Variants in ITPR2 observed in about 807,000 individuals in gnomAD.
ITPR2 encodes the protein inositol 1,4,5-trisphosphate-gated calcium channel ITPR2.
A neutral mutation model predicts 317.1 loss-of-function variants in ITPR2; 207 were observed. The ratio of observed to expected loss-of-function variants is 0.65; its 90% confidence interval spans 0.58 to 0.73. The LOEUF (loss-of-function observed/expected upper bound fraction) is 0.73, where lower values mean the gene tolerates loss of function less well. Ranked by LOEUF, ITPR2 falls within the 30% of genes least tolerant of loss-of-function variation. ITPR2 has a pLI of 0.00. For synonymous variants in ITPR2, 1,156 were observed against 1,149.1 expected, an observed-to-expected ratio of 1.01 and a Z score of -0.12; for missense variants, 2,613 against 3,284.0, an observed-to-expected ratio of 0.80 and a Z score of 4.99.
At chr12:26,703,013 C>T (rs115343332) in intron 9 of ITPR2, among the ~76,000 whole-genome samples, 27 of 152,256 alleles carry the variant, frequency 1.8e-4, no homozygotes, top group African/African-American at 6.0e-4. Context: ...GATAGTGCCC[C>T]CTTCACTTCC....
Position 26,580,008 on chromosome 12 carries a change from T to TTGCAA in ITPR2, c.4509+14_4509+18dup. 6.2e-7 allele frequency: 1 copy of TTGCAA among 1,602,410 alleles called. No homozygotes were observed. Among genetic ancestry groups the TTGCAA allele is most frequent in the Middle Eastern group, 1.7e-4 (1 of 5,936 alleles). ...GAGAAACTCTTTGCAACAGAATGCT[T>TTGCAA]TGCAATTGTTTAACTTACCTGGAGG... On this transcript the variant is annotated intron_variant, in intron 33 of 56. Coordinates refer to ENST00000381340, the MANE Select transcript of ITPR2 (RefSeq NM_002223.4).
At chr12:26,794,034 TC>T (rs1243065474) in intron 1 of ITPR2, among the ~76,000 whole-genome samples, 1 of 152,144 alleles carries the variant, frequency 6.6e-6, no homozygotes, top group Non-Finnish European at 1.5e-5. Flanking sequence ...TTACTAAAAC[TC>T]ATCTAACATA....
chr12:26,733,684 T>C (rs1949065422), intron 2 of ITPR2, among the ~76,000 whole-genome samples: 1 of 152,158 alleles, frequency 6.6e-6, no homozygotes. Flanking sequence ...AAAAGTAAAA[T>C]TCAAATGCAT....
intron 22 of ITPR2, among the ~76,000 whole-genome samples, chr12:26,631,646 T>C (rs1946754016): frequency 6.6e-6 from 1 of 152,158 alleles, no homozygotes; most frequent in Non-Finnish European, 1.5e-5. Context: ...TTGTTAGATA[T>C]GATCATTAGT....
intron 26 of ITPR2, among the ~76,000 whole-genome samples, chr12:26,620,670 A>G (rs778374039): frequency 6.6e-6 from 1 of 152,236 alleles, no homozygotes; most frequent in Non-Finnish European, 1.5e-5. Flanking sequence ...CATACTGGCA[A>G]TAAAGCATAT....
In ITPR2 at chr12:26,338,068, G is replaced by C. The variant is rs1418036554; in HGVS notation, c.*1329C>G. The C allele has an allele frequency of 6.6e-6, 1 of 152,180 alleles. No individual in the cohort carries two copies. Among genetic ancestry groups the C allele is most frequent in the Admixed American group, 6.6e-5 (1 of 15,262 alleles). 9.4% of individuals were successfully genotyped at this position (152,180 alleles called of 1,614,324 possible). On this transcript the variant is annotated 3_prime_UTR_variant, in exon 57 of 57. Transcript: ENST00000381340. ...CTGGAGGCAGTGTTTTGTTCCTGTG[G>C]GGGAGAGGCCAGGTCAACTTGCAGA...
chr12:26,820,515 A>T, intron 1 of ITPR2, among the ~76,000 whole-genome samples: 1 of 152,226 alleles, frequency 6.6e-6, no homozygotes, highest in East Asian at 1.9e-4. Flanking sequence ...GTATGTAATA[A>T]GATTATATGG....
At chr12:26,657,642 G>A in intron 18 of ITPR2, 65 bp downstream of exon 18, 2 of 1,421,228 alleles carry the variant, frequency 1.4e-6, no homozygotes, top group Non-Finnish European at 2.0e-6. Context: ...AGTGGCTACA[G>A]AGAACCAGTT....
rs1409608925 is a variant in ITPR2 at position 26,832,685 on chromosome 12, C to T, written c.92+5G>A. The T allele has an allele frequency of 6.3e-7, 1 of 1,591,456 alleles. No individual in the cohort carries two copies. Among genetic ancestry groups the T allele is most frequent in the African/African-American group, 1.4e-5 (1 of 72,112 alleles). The stretch of plus-strand genomic sequence containing the variant: ...AGCGCTGCCCAGCCCTCGTCTCCCG[C>T]TTACCCCAAGGTGCTGATGAAGCCG... On this transcript the variant is annotated splice_donor_5th_base_variant and intron_variant, in intron 1 of 56. Coordinates refer to ENST00000381340, the MANE Select transcript of ITPR2 (RefSeq NM_002223.4).
At chr12:26,418,872 A>G (rs977532277) in intron 50 of ITPR2, among the ~76,000 whole-genome samples, 177 bp downstream of exon 50, 12 of 152,146 alleles carry the variant, frequency 7.9e-5, no homozygotes, top group African/African-American at 2.9e-4. Flanking sequence ...TGGTTTCCCA[A>G]AGAAAAAAGA....
At chr12:26,716,117 A>C (rs776549032) in intron 6 of ITPR2, 27 bp downstream of exon 6, 7 of 1,439,254 alleles carry the variant, frequency 4.9e-6, no homozygotes, top group Non-Finnish European at 2.0e-6. Flanking sequence ...AAATGAACAC[A>C]TTCATTCCTT....
At chr12:26,442,845 A>G (rs1941517157) in intron 46 of ITPR2, among the ~76,000 whole-genome samples, 1 of 152,148 alleles carries the variant, frequency 6.6e-6, no homozygotes, top group Non-Finnish European at 1.5e-5. Flanking sequence ...AAATGAATGA[A>G]TGTATAAATG....
chr12:26,493,468 A>G lies in ITPR2; in HGVS notation c.5370+685T>C, dbSNP rs765534826. 1.2e-4 allele frequency among the ~76,000 whole-genome samples: 18 copies of G among 152,332 alleles called. No individual in the cohort carries two copies. The South Asian group carries it at 2.5e-3, about 21-fold the overall frequency. ...CTACCGAGCAGCAAAACAGACAGCT[A>G]CATAGGAGGAATAAATTCCTGTGTT... On this transcript the variant is annotated intron_variant, in intron 39 of 56. Coordinates refer to ENST00000381340, the MANE Select transcript of ITPR2 (RefSeq NM_002223.4).
chr12:26,436,825 A>G (rs544645208), intron 47 of ITPR2, among the ~76,000 whole-genome samples: 1 of 152,370 alleles, frequency 6.6e-6, no homozygotes, highest in Non-Finnish European at 1.5e-5. Flanking sequence ...TGACAGTCAC[A>G]GTTACCTGAA....
At chr12:26,363,466 C>T (rs962009872) in intron 55 of ITPR2, among the ~76,000 whole-genome samples, 1 of 152,182 alleles carries the variant, frequency 6.6e-6, no homozygotes, top group African/African-American at 2.4e-5. Flanking sequence ...CCCTCACCCC[C>T]GATCCCAGTG....
chr12:26,500,526 C>A (rs1024851083), intron 37 of ITPR2, among the ~76,000 whole-genome samples: 2 of 152,192 alleles, frequency 1.3e-5, no homozygotes, highest in Non-Finnish European at 2.9e-5. Context: ...GGCCACAAGA[C>A]ACTACTTTTA....
intron 1 of ITPR2, among the ~76,000 whole-genome samples, chr12:26,816,970 G>C (rs1950866580): frequency 6.6e-6 from 1 of 151,908 alleles, no homozygotes; most frequent in Non-Finnish European, 1.5e-5. Flanking sequence ...ACGAGGTCAG[G>C]AGATCAAGAC....
At chr12:26,776,542 A>T (rs1240172337) in intron 2 of ITPR2, among the ~76,000 whole-genome samples, 2 of 152,176 alleles carry the variant, frequency 1.3e-5, no homozygotes, top group Non-Finnish European at 2.9e-5. Flanking sequence ...TGCTAAAGTG[A>T]GGGCATTGAT....
chr12:26,812,558 G>C (rs573283594), intron 1 of ITPR2, among the ~76,000 whole-genome samples: 4 of 152,016 alleles, frequency 2.6e-5, no homozygotes, highest in Admixed American at 2.6e-4. Context: ...CAGCCTGGGC[G>C]ACAGAGCGAG....
Sources: gnomAD v4.1 joint callset for allele counts (sites outside exome capture counted in the v4.1 genomes callset) on GRCh38, gnomAD v4.1.1 for gene constraint, MANE v1.5 for transcripts, NCBI Gene and HGNC (gene_info 2026-07-23, HGNC 2026-07-21) for gene names.